CBFA2T3: variants seen among roughly 807,000 people sequenced by gnomAD.
The protein encoded by CBFA2T3 is CBFA2/RUNX1 partner transcriptional co-repressor 3, also known as transcriptional corepressor CBFA2T3.
CBFA2T3 carries 31 observed loss-of-function variants against 58.6 expected under a neutral mutation model. The ratio of observed to expected loss-of-function variants is 0.53; its 90% CI spans 0.40 to 0.71. CBFA2T3 has a LOEUF of 0.71. Among genes scored for constraint, CBFA2T3 ranks in the 30% least tolerant of loss-of-function variants. The pLI is 0.00. For synonymous variants in CBFA2T3, 531 were observed against 421.9 expected, an observed-to-expected ratio of 1.26 and a Z score of -3.17; for missense variants, 1,076 against 963.1, an observed-to-expected ratio of 1.12 and a Z score of -1.55.
intron 3 of CBFA2T3, among the ~76,000 whole-genome samples, chr16:88,893,602 C>T (rs999891375): frequency 1.3e-5 from 2 of 152,202 alleles, no homozygotes; most frequent in Admixed American, 1.3e-4. Context: ...TGCACACAGG[C>T]CAGTGCATGT....
At chr16:88,928,256 A>C (rs1971151511) in intron 1 of CBFA2T3, among the ~76,000 whole-genome samples, 1 of 152,178 alleles carries the variant, frequency 6.6e-6, no homozygotes, top group East Asian at 1.9e-4. Context: ...GGCGTGTGGC[A>C]CAGCTGTCCT....
intron 3 of CBFA2T3, among the ~76,000 whole-genome samples, chr16:88,893,379 A>G (rs1175182217): frequency 6.7e-6 from 1 of 149,498 alleles, no homozygotes; most frequent in Non-Finnish European, 1.5e-5. Context: ...TGTCCCTCCT[A>G]CAAGTGTCTC....
intron 1 of CBFA2T3, among the ~76,000 whole-genome samples, chr16:88,911,808 C>T (rs986739514): frequency 2.6e-5 from 4 of 152,248 alleles, no homozygotes; most frequent in Admixed American, 6.5e-5. Context: ...AGAGCTGGCC[C>T]ATAGGTGACA....
intron 1 of CBFA2T3, among the ~76,000 whole-genome samples, chr16:88,915,729 G>A (rs1389034194): frequency 3.3e-5 from 4 of 121,720 alleles, no homozygotes; most frequent in African/African-American, 1.3e-4. Context: ...GGGGGAGCGT[G>A]GAAGGGGGAG....
At chr16:88,924,140 C>T (rs543790490) in intron 1 of CBFA2T3, among the ~76,000 whole-genome samples, 72 of 129,700 alleles carry the variant, frequency 5.6e-4, no homozygotes, top group Non-Finnish European at 7.3e-4. Context: ...AGGACCCCTG[C>T]GGTGGGGCGG....
chr16:88,934,179 G>A (rs1971415869), intron 1 of CBFA2T3, among the ~76,000 whole-genome samples: 1 of 134,606 alleles, frequency 7.4e-6, no homozygotes, highest in Non-Finnish European at 1.5e-5. Flanking sequence ...CGGCGAGAAG[G>A]GCTGCCCCAC....
Position 88,904,147 on chromosome 16 carries a change from C to T in CBFA2T3, c.152-2491G>A, listed in dbSNP as rs183054522. Among the ~76,000 whole-genome samples, 564 of 152,310 alleles carry T rather than the reference C, an allele frequency of 3.7e-3. 1 individual carries two copies. The highest frequency in any genetic ancestry group is 0.013 in the African/African-American group (539 of 41,562). On this transcript the variant is annotated intron_variant, in intron 1 of 11. Coordinates refer to ENST00000268679, the MANE Select transcript of CBFA2T3 (RefSeq NM_005187.6). Reference sequence around the variant, plus strand: ...CTGCGTGCTCGTGACACTCTGGATCCCGAAGCTAGAGCAGACAGTGCCCTG... The same window carrying T: ...CTGCGTGCTCGTGACACTCTGGATCTCGAAGCTAGAGCAGACAGTGCCCTG...
At chr16:88,901,677 AAG>A in intron 1 of CBFA2T3, 21 bp from the exon 2 acceptor site, 2 of 1,518,354 alleles carry the variant, frequency 1.3e-6, no homozygotes, top group South Asian at 1.3e-5. Context: ...CGGAGAAAGA[AAG>A]AGTCGGTGAA....
chr16:88,901,517 G>T lies in CBFA2T3; in HGVS notation c.291C>A (p.Phe97Leu). 6.8e-7 allele frequency: 1 copy of T among 1,476,940 alleles called. No individual in the cohort carries two copies. The highest frequency in any genetic ancestry group is 8.9e-7 in the Non-Finnish European group (1 of 1,118,444). 91.5% of individuals were successfully genotyped at this position (1,476,940 alleles called of 1,614,324 possible). Reference protein sequence around the residue: ...ASQGATRPPSFTPHTHREDGP... With the variant: ...ASQGATRPPSLTPHTHREDGP... ...GGGGCTACTTACGTGTGTGTGGCGT[G>T]AAGGAGGGGGGGCGTGTGGCCCCCT... is the stretch of plus-strand genomic sequence containing the variant. The change falls in exon 2 of 12, where the codon TTC becomes TTA. Residue 97 changes from phenylalanine (F) to leucine (L), a missense_variant. Transcript: ENST00000268679.
intron 1 of CBFA2T3, among the ~76,000 whole-genome samples, chr16:88,960,964 G>A (rs1972340476): frequency 6.6e-6 from 1 of 152,292 alleles, no homozygotes. Flanking sequence ...TTTGAGATAC[G>A]CTTACGATTT....
intron 1 of CBFA2T3, among the ~76,000 whole-genome samples, chr16:88,943,416 AC>A (rs1243481164): frequency 1.3e-5 from 2 of 152,230 alleles, no homozygotes; most frequent in Non-Finnish European, 2.9e-5. Flanking sequence ...GGAGTGACAG[AC>A]CTGAAGGCAC....
chr16:88,901,185 G>T (rs1178652196), intron 2 of CBFA2T3, among the ~76,000 whole-genome samples: 1 of 152,260 alleles, frequency 6.6e-6, no homozygotes, highest in African/African-American at 2.4e-5. Context: ...ACAGCGGCCG[G>T]CTTTGACCCA....
intron 1 of CBFA2T3, among the ~76,000 whole-genome samples, chr16:88,970,902 T>C (rs1972639005): frequency 6.6e-6 from 1 of 151,958 alleles, no homozygotes; most frequent in Non-Finnish European, 1.5e-5. Context: ...GGGTGACAGA[T>C]TGAAGGAGAG....
intron 1 of CBFA2T3, among the ~76,000 whole-genome samples, chr16:88,960,190 G>C (rs562872280): frequency 1.5e-4 from 23 of 152,264 alleles, no homozygotes; most frequent in African/African-American, 5.3e-4. Context: ...CACGAGATGT[G>C]AGTGGTATTG....
At chr16:88,915,660 G>C (rs1280427489) in intron 1 of CBFA2T3, among the ~76,000 whole-genome samples, 2 of 72,958 alleles carry the variant, frequency 2.7e-5, no homozygotes, top group African/African-American at 5.7e-5. Context: ...GGGGGAGCGT[G>C]GACGGGGGAG....
intron 1 of CBFA2T3, among the ~76,000 whole-genome samples, chr16:88,904,039 C>T (rs958274527): frequency 6.6e-6 from 1 of 152,210 alleles, no homozygotes; most frequent in African/African-American, 2.4e-5. Context: ...ACCGCTGGGC[C>T]GTCATGCCAC....
At chr16:88,892,084 G>C in intron 4 of CBFA2T3, 113 bp from the exon 5 acceptor site, 2 of 1,354,376 alleles carry the variant, frequency 1.5e-6, no homozygotes, top group East Asian at 4.7e-5. Flanking sequence ...GGCAGCCCAG[G>C]AGCTGGGCAC....
At chr16:88,909,702 C>A (rs555187585) in intron 1 of CBFA2T3, among the ~76,000 whole-genome samples, 1 of 152,214 alleles carries the variant, frequency 6.6e-6, no homozygotes, top group African/African-American at 2.4e-5. Flanking sequence ...GAGAGTCATC[C>A]GTCCACGGCC....
chr16:88,877,384 G>A (rs1968880985), intron 11 of CBFA2T3, 109 bp from the exon 12 acceptor site: 3 of 880,366 alleles, frequency 3.4e-6, no homozygotes, highest in East Asian at 2.8e-5. Flanking sequence ...CAGGTGAGAA[G>A]AGAGAAACTC....
Sources: allele counts gnomAD v4.1 joint callset (sites outside exome capture counted in the v4.1 genomes callset), GRCh38; gene constraint gnomAD v4.1.1; transcripts MANE v1.5; gene names NCBI Gene and HGNC (gene_info 2026-07-23, HGNC 2026-07-21).